Variants in MICAL3 observed in about 807,000 individuals in gnomAD.
MICAL3 encodes the protein [F-actin]-monooxygenase MICAL3.
A neutral mutation model predicts 207.4 loss-of-function variants in MICAL3; 62 were observed. That is an observed-to-expected ratio of 0.30 (90% CI 0.24 to 0.37). MICAL3 has a LOEUF of 0.37. Among genes scored for constraint, MICAL3 ranks in the 10% least tolerant of loss-of-function variants. The pLI, the probability that MICAL3 is intolerant of heterozygous loss-of-function variation, is 1.00. For synonymous variants in MICAL3, 1,077 were observed against 1,069.3 expected (o/e 1.01, Z -0.14); for missense variants, 2,368 against 2,635.6 (o/e 0.90, Z 2.22).
At chr22:17,899,604 G>C in intron 6 of MICAL3, 56 bp from the exon 7 acceptor site, 2 of 1,165,706 alleles carry the variant, frequency 1.7e-6, no homozygotes, top group Non-Finnish European at 2.5e-6. Flanking sequence ...AGGTGCATCA[G>C]GGCAGGCTGA....
At chr22:17,891,951 C>T (rs888401667) in intron 11 of MICAL3, among the ~76,000 whole-genome samples, 1 of 152,230 alleles carries the variant, frequency 6.6e-6, no homozygotes, top group Non-Finnish European at 1.5e-5. Context: ...GCGCCACCTA[C>T]TGTGTGGCCA....
intron 1 of MICAL3, among the ~76,000 whole-genome samples, chr22:17,932,964 C>G (rs1933342988): frequency 6.6e-6 from 1 of 152,310 alleles, no homozygotes; most frequent in South Asian, 2.1e-4. Flanking sequence ...CACCCAGATT[C>G]ATAAAGCAAG....
rs1187126298 is a variant in MICAL3 at position 17,900,945 on chromosome 22, A to G, written c.744T>C (p.Asn248=). The change falls in exon 6 of 32, where the codon AAT becomes AAC. Residue 248 remains asparagine, a synonymous_variant. Coordinates refer to ENST00000441493, the MANE Select transcript of MICAL3 (RefSeq NM_015241.3). The surrounding 1 kb of genome is among the most constrained non-coding windows in gnomAD (Gnocchi z 4.0). ...RGKLAIAITA[N]FINRNTTAEA... ...CTGCTGTTGTATTTCGGTTGATAAAATTTGCCGTGATGGCGATGGCCAGTT... is the reference window on the plus strand; with the variant it reads ...CTGCTGTTGTATTTCGGTTGATAAAGTTTGCCGTGATGGCGATGGCCAGTT... 1.2e-6 allele frequency: 2 copies of G among 1,613,900 alleles called. No homozygotes were observed. The highest frequency in any genetic ancestry group is 1.7e-6 in the Non-Finnish European group (2 of 1,179,892).
chr22:17,801,677 T>C (rs956946497), intron 29 of MICAL3, among the ~76,000 whole-genome samples: 10 of 151,544 alleles, frequency 6.6e-5, no homozygotes, highest in Non-Finnish European at 1.5e-4. Flanking sequence ...GCGGATCACC[T>C]GAAGTCAGGA....
At chr22:17,991,133 A>G (rs1482151471) in intron 1 of MICAL3, among the ~76,000 whole-genome samples, 3 of 152,238 alleles carry the variant, frequency 2.0e-5, no homozygotes, top group Non-Finnish European at 4.4e-5. Context: ...AGGACGTGCC[A>G]CAACTGACAG....
intron 16 of MICAL3, chr22:17,879,537 G>A: frequency 1.6e-6 from 1 of 636,590 alleles, no homozygotes; most frequent in East Asian, 3.0e-5. Context: ...CCCATCCCCA[G>A]GTAACCATAA....
At chr22:17,876,758 GGAGGTTAGGGAAGTTAT>G in intron 16 of MICAL3, 1 of 144,830 alleles carries the variant, frequency 6.9e-6, no homozygotes, top group East Asian at 2.0e-4. Flanking sequence ...GGGAGGTTAA[GGAGGTTAGGGAAGTTAT>G]GGAGGTTAGG....
chr22:17,811,112 G>T (rs899309887), intron 27 of MICAL3: 8 of 305,682 alleles, frequency 2.6e-5, no homozygotes, highest in Non-Finnish European at 5.0e-5. Flanking sequence ...GGCTGAGTGG[G>T]GACCGACTGT....
At chr22:17,812,314 G>A (rs1250812673) in intron 27 of MICAL3, among the ~76,000 whole-genome samples, 6 of 152,254 alleles carry the variant, frequency 3.9e-5, no homozygotes, top group African/African-American at 1.4e-4. Context: ...TCCAGCCGGT[G>A]AGGAGCAGGT....
intron 19 of MICAL3, among the ~76,000 whole-genome samples, chr22:17,857,730 G>C (rs1926088555): frequency 6.6e-6 from 1 of 152,240 alleles, no homozygotes; most frequent in Non-Finnish European, 1.5e-5. Context: ...GCAAGGCGGA[G>C]CTGGGGCCCT....
rs1601963715 is a variant in MICAL3 at position 17,819,121 on chromosome 22, T to G, written c.3540A>C (p.Gln1180His). Residue 1180 changes from glutamine to histidine, a missense_variant, in exon 26 of 32, where the codon CAA becomes CAC. Transcript: ENST00000441493. ...PVHSPSTEGP[Q>H]LPPVPAATQE... ...GGGTGGCGGCAGGGACAGGTGGGAG[T>G]TGGGGCCCCTACAGGGAAGGAAGAC... 6.7e-7 allele frequency: 1 copy of G among 1,484,864 alleles called. No individual in the cohort carries two copies. The highest frequency in any genetic ancestry group is 9.0e-7 in the Non-Finnish European group (1 of 1,114,268). 92.0% of individuals were successfully genotyped at this position (1,484,864 alleles called of 1,614,324 possible). A position where few individuals can be genotyped will look rare whatever the true frequency, so the allele number is the denominator to read the frequency against.
intron 19 of MICAL3, chr22:17,863,476 C>T (rs1030413770): frequency 5.1e-6 from 5 of 985,314 alleles, no homozygotes; most frequent in Admixed American, 6.1e-5. Context: ...GTGTCAGCTG[C>T]AAAGGCCTGT....
intron 1 of MICAL3, among the ~76,000 whole-genome samples, chr22:17,962,711 T>A (rs544535969): frequency 0.2 from 30,266 of 151,876 alleles, 3,158 homozygotes; most frequent in Middle Eastern, 0.27. Flanking sequence ...CCAAGGACCC[T>A]TTGAACAGAA....
intron 1 of MICAL3, among the ~76,000 whole-genome samples, chr22:18,008,848 G>A (rs1318209375): frequency 6.6e-6 from 1 of 151,590 alleles, no homozygotes; most frequent in African/African-American, 2.4e-5. Flanking sequence ...CAAGGTGGGA[G>A]GATCACTTGA....
At chr22:17,881,145 C>A in intron 16 of MICAL3, 1 of 1,363,670 alleles carries the variant, frequency 7.3e-7, no homozygotes, top group Non-Finnish European at 1.0e-6. Flanking sequence ...CTACACTAGC[C>A]ACCTACACAG....
In MICAL3 at chr22:17,789,335, C is replaced by G. The variant is rs1053619813; in HGVS notation, c.*1397G>C. 2.0e-5 allele frequency: 3 copies of G among 152,324 alleles called. No individual in the cohort carries two copies. Among genetic ancestry groups the G allele is most frequent in the African/African-American group, 7.2e-5 (3 of 41,470 alleles). The allele number at this position is 152,324 out of a possible 1,614,324, so 9.4% of individuals were successfully genotyped here. On this transcript the variant is annotated 3_prime_UTR_variant, in exon 32 of 32. Coordinates refer to ENST00000441493, the MANE Select transcript of MICAL3 (RefSeq NM_015241.3). ...TGATTCCAGGGTCCCACCTTGCACCCTCTTGGCCTGTGTGGATGAGGGCCC... is the reference window on the plus strand; with the variant it reads ...TGATTCCAGGGTCCCACCTTGCACCGTCTTGGCCTGTGTGGATGAGGGCCC...
At chr22:17,832,689 A>G (rs113276718) in intron 20 of MICAL3, among the ~76,000 whole-genome samples, 6 of 152,264 alleles carry the variant, frequency 3.9e-5, no homozygotes, top group African/African-American at 1.2e-4. Context: ...GAGGAACTCA[A>G]TTCTGTGTGA....
intron 20 of MICAL3, among the ~76,000 whole-genome samples, chr22:17,835,358 C>G (rs951116068): frequency 6.6e-6 from 1 of 152,258 alleles, no homozygotes; most frequent in Non-Finnish European, 1.5e-5. Flanking sequence ...AGCTCCCAGA[C>G]AGGCCACCCT....
rs113887980 is a variant in MICAL3 at position 17,887,404 on chromosome 22, T to C, written c.1923A>G (p.Ala641=). 2.4e-5 allele frequency: 38 copies of C among 1,613,930 alleles called. No homozygotes were observed. Among genetic ancestry groups the C allele is most frequent in the African/African-American group, 2.3e-4 (17 of 75,068 alleles). ...GGGATCTGGTGCTGGCTATCAGGAC[T>C]GCTTTCTCCTCGGCATTTAGGTCCA... ...DTLDLNAEEK[A]VLIASTRSPI... is the part of the protein sequence containing the mutation. The change falls in exon 14 of 32, where the codon GCA becomes GCG. Residue 641 remains alanine (A), a synonymous_variant. Transcript: ENST00000441493.
Sources: allele counts gnomAD v4.1 joint callset (sites outside exome capture counted in the v4.1 genomes callset), GRCh38; gene constraint gnomAD v4.1.1; non-coding constraint Gnocchi (gnomAD v3.1); transcripts MANE v1.5; gene names NCBI Gene and HGNC (gene_info 2026-07-23, HGNC 2026-07-21).